The following IPPK variants were observed in gnomAD, a reference collection of about 807,000 sequenced individuals.
IPPK encodes IPK1 homolog.
IPPK carries 22 observed loss-of-function variants against 64.6 expected under a neutral mutation model. That is an observed-to-expected ratio of 0.34 (90% CI 0.24 to 0.49). IPPK has a LOEUF of 0.49. IPPK is among the 20% of genes least tolerant of loss of function. The pLI is 0.99. For missense variants in IPPK, 532 were observed against 630.7 expected (o/e 0.84, Z 1.68); for synonymous variants, 262 against 247.2 (o/e 1.06, Z -0.56).
chr9:92,636,239 C>A (rs190430018), intron 9 of IPPK, among the ~76,000 whole-genome samples: 2 of 152,294 alleles, frequency 1.3e-5, no homozygotes, highest in African/African-American at 2.4e-5. Context: ...GGACCCGGCA[C>A]GAAAATGCCA....
chr9:92,654,077 A>G (rs903847799), intron 3 of IPPK, among the ~76,000 whole-genome samples: 4 of 152,188 alleles, frequency 2.6e-5, no homozygotes, highest in African/African-American at 9.7e-5. Context: ...TCAGGTCCAC[A>G]TACAGGGCAA....
chr9:92,618,220 G>A (rs2131413100), intron 12 of IPPK: 1 of 456,664 alleles, frequency 2.2e-6, no homozygotes, highest in East Asian at 7.0e-5. Context: ...CCTGGCTAGA[G>A]TGCTTTGTGC....
At chr9:92,620,767 A>C (rs535286765) in intron 11 of IPPK, among the ~76,000 whole-genome samples, 1 of 152,276 alleles carries the variant, frequency 6.6e-6, no homozygotes, top group African/African-American at 2.4e-5. Context: ...AAAACCTTTC[A>C]CAGCAGATGG....
At chr9:92,637,411 G>A (rs1397122763) in intron 9 of IPPK, among the ~76,000 whole-genome samples, 33 of 152,224 alleles carry the variant, frequency 2.2e-4, no homozygotes, top group Admixed American at 2.2e-3. Context: ...ACCATCTCAG[G>A]CTCCCAGAGA....
At position 92,638,366 on chromosome 9, in the gene IPPK, C is replaced by A; in HGVS notation, c.637-86G>T. The stretch of plus-strand genomic sequence containing the variant: ...CAGTCCCCACCACCAGCATCCCAGG[C>A]AGCGGGTGAAAGCCAAGGGCCCTGA... On this transcript the variant is annotated intron_variant, in intron 8 of 12. Transcript: ENST00000287996. The A allele has an allele frequency of 2.0e-6, 3 of 1,489,822 alleles. No homozygotes were observed. The East Asian group carries it at 6.8e-5, about 34-fold the overall frequency. 92.3% of individuals were successfully genotyped at this position (1,489,822 alleles called of 1,614,324 possible).
intron 11 of IPPK, among the ~76,000 whole-genome samples, chr9:92,632,018 CT>C (rs942610501): frequency 2.6e-5 from 4 of 152,204 alleles, no homozygotes; most frequent in Non-Finnish European, 5.9e-5. Flanking sequence ...ACAAAGCCCC[CT>C]GGAGGTCCAC....
At chr9:92,628,300 C>A (rs1851770615) in intron 11 of IPPK, among the ~76,000 whole-genome samples, 1 of 152,180 alleles carries the variant, frequency 6.6e-6, no homozygotes, top group Non-Finnish European at 1.5e-5. Flanking sequence ...TCCCAGCTGG[C>A]TTCTTTGTAG....
At position 92,619,056 on chromosome 9, in the gene IPPK, T is replaced by C. The variant is rs111450153; in HGVS notation, c.1250+430A>G. 2,264 of 230,522 alleles carry C rather than the reference T, an allele frequency of 9.8e-3. 65 individuals are homozygous for C. Among genetic ancestry groups the C allele is most frequent in the African/African-American group, 0.048 (2,124 of 44,444 alleles). 14.3% of individuals were successfully genotyped at this position (230,522 alleles called of 1,614,324 possible). ...AGAGGAAGCAGAATGAATGCGCGCCTCACAGGCTTTCAAATGACTGTGGTG... is the reference window on the plus strand; with the variant it reads ...AGAGGAAGCAGAATGAATGCGCGCCCCACAGGCTTTCAAATGACTGTGGTG... On this transcript the variant is annotated intron_variant, in intron 12 of 12. Coordinates refer to ENST00000287996, the MANE Select transcript of IPPK (RefSeq NM_022755.6).
Position 92,621,321 on chromosome 9 carries a change from A to G in IPPK, c.1171-1756T>C, listed in dbSNP as rs558910397. ...ATACTTCAAATCCTATAAACATGAA[A>G]AGATAATAAAAGAACATTACCCAAC... is the stretch of plus-strand genomic sequence containing the variant. On this transcript the variant is annotated intron_variant, in intron 11 of 12. Transcript: ENST00000287996. 2.8e-4 allele frequency among the ~76,000 whole-genome samples: 43 copies of G among 152,156 alleles called. 1 individual carries two copies. The South Asian group carries it at 8.7e-3, about 31-fold the overall frequency.
intron 11 of IPPK, chr9:92,620,662 G>T (rs2131417748): frequency 6.6e-6 from 1 of 152,296 alleles, no homozygotes. Context: ...CATCCAAGCT[G>T]CACTTTCCAA....
At chr9:92,622,390 G>T (rs1851656831) in intron 11 of IPPK, among the ~76,000 whole-genome samples, 1 of 152,064 alleles carries the variant, frequency 6.6e-6, no homozygotes, top group Non-Finnish European at 1.5e-5. Flanking sequence ...TACATATAAA[G>T]AAAATCCAAA....
rs767816355 is a variant in IPPK at position 92,613,197 on chromosome 9, T to C, written c.*2635A>G. The C allele has an allele frequency of 1.2e-5, 19 of 1,610,716 alleles. No homozygotes were observed. The highest frequency in any genetic ancestry group is 1.6e-5 in the Non-Finnish European group (19 of 1,177,192). On this transcript the variant is annotated 3_prime_UTR_variant, in exon 13 of 13. Coordinates refer to ENST00000287996, the MANE Select transcript of IPPK (RefSeq NM_022755.6). The stretch of plus-strand genomic sequence containing the variant: ...GATGAAGATGCTGCGTGGAGGAACA[T>C]GCAATTTTATTCAATATAAACATTT...
chr9:92,633,867 C>G (rs1454501142), intron 11 of IPPK, among the ~76,000 whole-genome samples: 1 of 152,188 alleles, frequency 6.6e-6, no homozygotes, highest in African/African-American at 2.4e-5. Context: ...AATGAAGATG[C>G]CATTTTTTTC....
At chr9:92,642,114 C>T (rs917563545) in intron 7 of IPPK, among the ~76,000 whole-genome samples, 5 of 152,262 alleles carry the variant, frequency 3.3e-5, no homozygotes, top group African/African-American at 1.2e-4. Flanking sequence ...GCTGCCCCTT[C>T]AGCCCCAGGG....
In IPPK at chr9:92,649,470, G is replaced by C; in HGVS notation, c.397C>G (p.Leu133Val). 1.2e-6 allele frequency: 2 copies of C among 1,614,112 alleles called. No individual in the cohort carries two copies. The highest frequency in any genetic ancestry group is 1.7e-6 in the Non-Finnish European group (2 of 1,180,016). ...CAGGTCACCTTAATCTCTACACACAGAATCGGCCGGTGCTCTGCAAAGCGG... is the reference window on the plus strand; with the variant it reads ...CAGGTCACCTTAATCTCTACACACACAATCGGCCGGTGCTCTGCAAAGCGG... The part of the protein sequence containing the change: ...TYRFAEHRPI[L>V]CVEIKPKCGF... The change falls in exon 5 of 13, where the codon CTG (leucine) becomes GTG (valine). Residue 133 changes from leucine to valine, a missense_variant. Transcript: ENST00000287996.
chr9:92,618,340 G>A (rs757893964), intron 12 of IPPK: 6 of 456,680 alleles, frequency 1.3e-5, no homozygotes, highest in African/African-American at 4.0e-5. Flanking sequence ...GCAGCTGGTC[G>A]TAAGGACCCG....
At chr9:92,667,274 G>A (rs1852619654) in intron 1 of IPPK, among the ~76,000 whole-genome samples, 1 of 152,206 alleles carries the variant, frequency 6.6e-6, no homozygotes, top group African/African-American at 2.4e-5. Context: ...AGGAGGCTGG[G>A]CGCATGCTCA....
chr9:92,628,835 G>A (rs1851779907), intron 11 of IPPK, among the ~76,000 whole-genome samples: 2 of 151,958 alleles, frequency 1.3e-5, no homozygotes, highest in Admixed American at 6.6e-5. Flanking sequence ...AGCCAAGGTC[G>A]TGCCACTGTA....
chr9:92,648,805 G>A (rs1368726723), intron 5 of IPPK, among the ~76,000 whole-genome samples: 2 of 152,196 alleles, frequency 1.3e-5, no homozygotes, highest in African/African-American at 2.4e-5. Context: ...GCTTCCTGAG[G>A]GACCCTGACA....
Sources: gnomAD v4.1 joint callset for allele counts (sites outside exome capture counted in the v4.1 genomes callset) on GRCh38, gnomAD v4.1.1 for gene constraint, MANE v1.5 for transcripts, NCBI Gene and HGNC (gene_info 2026-07-23, HGNC 2026-07-21) for gene names.